Variants in ANXA4 observed in about 807,000 individuals in gnomAD.
The protein encoded by ANXA4 is 35-beta calcimedin.
Under a neutral mutation model 49.8 loss-of-function variants are expected in ANXA4, and 39 were observed. The observed-to-expected ratio is 0.78, with a 90% CI of 0.61 to 1.02. The LOEUF (loss-of-function observed/expected upper bound fraction) is 1.02, where lower values mean the gene tolerates loss of function less well. ANXA4 is among the 50% of genes least tolerant of loss of function. ANXA4 has a pLI of 0.00. For synonymous variants in ANXA4, 134 were observed against 152.5 expected (o/e 0.88, Z 0.89); for missense variants, 360 against 410.1 (o/e 0.88, Z 1.05).
At chr2:69,783,325 C>T (rs1672279459) in intron 2 of ANXA4, among the ~76,000 whole-genome samples, 1 of 152,112 alleles carries the variant, frequency 6.6e-6, no homozygotes, top group South Asian at 2.1e-4. Context: ...AAGCGGTTCC[C>T]CTGCCTCAGC....
chr2:69,663,605 T>A (rs1376937656), intron 2 of ANXA4, among the ~76,000 whole-genome samples: 2 of 152,022 alleles, frequency 1.3e-5, no homozygotes, highest in African/African-American at 2.4e-5. Flanking sequence ...TGTAGTGTGC[T>A]ATTATCATGC....
chr2:69,751,308 G>A (rs756444781), intron 1 of ANXA4, among the ~76,000 whole-genome samples: 13 of 152,186 alleles, frequency 8.5e-5, no homozygotes, highest in Non-Finnish European at 1.6e-4. Flanking sequence ...GAGCTCAGGG[G>A]TTCGAGACCA....
chr2:69,806,447 G>A lies in ANXA4; in HGVS notation c.255G>A (p.Met85Ile). The A allele has an allele frequency of 6.2e-7, 1 of 1,614,160 alleles. No individual in the cohort carries two copies. Among genetic ancestry groups the A allele is most frequent in the Non-Finnish European group, 8.5e-7 (1 of 1,180,002 alleles). Residue 85 changes from methionine to isoleucine, a missense_variant, in exon 5 of 13, where the codon ATG becomes ATA. Coordinates refer to ENST00000394295, the MANE Select transcript of ANXA4 (RefSeq NM_001153.5). The part of the protein sequence containing the change: ...SGNFEQVIVG[M>I]MTPTVLYDVQ... ...ACTTCGAGCAGGTGATTGTGGGGAT[G>A]ATGACGCCCACGGTGCTGTATGACG...
At chr2:69,778,542 G>A (rs953089357) in intron 1 of ANXA4, among the ~76,000 whole-genome samples, 4 of 152,176 alleles carry the variant, frequency 2.6e-5, no homozygotes, top group Non-Finnish European at 5.9e-5. Context: ...TTGGGAGGCC[G>A]AGGCGGGCAG....
intron 1 of ANXA4, among the ~76,000 whole-genome samples, chr2:69,776,337 G>A (rs573894757): frequency 6.6e-6 from 1 of 152,198 alleles, no homozygotes; most frequent in South Asian, 2.1e-4. Context: ...TGGCCACCCA[G>A]GAATCAAAGT....
At chr2:69,810,561 A>C in intron 6 of ANXA4, 33 bp from the exon 7 acceptor site, 1 of 1,588,648 alleles carries the variant, frequency 6.3e-7, no homozygotes, top group Non-Finnish European at 8.6e-7. Context: ...AAGACTCTTA[A>C]TTCTGAAGTA....
intron 3 of ANXA4, among the ~76,000 whole-genome samples, chr2:69,792,746 C>A (rs569389764): frequency 3.3e-5 from 5 of 152,228 alleles, no homozygotes; most frequent in Admixed American, 3.3e-4. Context: ...CCATGTAATT[C>A]CATGTTCAGT....
In ANXA4 at chr2:69,733,167, G is replaced by A. The variant is rs72903018; in HGVS notation, n.864+12296G>A. 6.8e-3 allele frequency among the ~76,000 whole-genome samples: 1,030 copies of A among 152,272 alleles called. 13 individuals are homozygous for A. Among genetic ancestry groups the A allele is most frequent in the African/African-American group, 0.023 (959 of 41,552 alleles). On this transcript the variant is annotated intron_variant and non_coding_transcript_variant, in intron 3 of 3. Transcript: ENST00000418066. ...ATCTTTAGGGATATTGAGGCAAAAT[G>A]TTTATTTACTTAATGAAAATTAACA...
chr2:69,741,447 T>G (rs1230343482), upstream of ANXA4, among the ~76,000 whole-genome samples: 1 of 152,200 alleles, frequency 6.6e-6, no homozygotes, highest in Non-Finnish European at 1.5e-5. Flanking sequence ...TAAACTTTAG[T>G]CACTCACAGG....
intron 3 of ANXA4, among the ~76,000 whole-genome samples, chr2:69,804,155 AAAAAT>A (rs1183911559): frequency 4.7e-4 from 71 of 151,386 alleles, no homozygotes; most frequent in African/African-American, 1.5e-3. Context: ...AAAAAAAAAA[AAAAAT>A]ATTCTAGAGG....
chr2:69,711,549 T>G (rs2105407806), intron 2 of ANXA4, among the ~76,000 whole-genome samples: 1 of 152,288 alleles, frequency 6.6e-6, no homozygotes, highest in East Asian at 1.9e-4. Context: ...TAAGAACTTT[T>G]TGGAATGAAG....
intron 3 of ANXA4, 72 bp from the exon 4 acceptor site, chr2:69,804,461 G>A (rs1673348290): frequency 2.2e-6 from 3 of 1,378,664 alleles, no homozygotes; most frequent in Non-Finnish European, 3.1e-6. Flanking sequence ...TAACTCCAAT[G>A]TCCACAGAGG....
intron 1 of ANXA4, among the ~76,000 whole-genome samples, chr2:69,750,315 C>T (rs1009755814): frequency 2.6e-5 from 4 of 152,178 alleles, no homozygotes; most frequent in Admixed American, 1.3e-4. Context: ...AAGCAGCCAC[C>T]GCTCATTCTT....
chr2:69,712,365 T>C (rs1324481755), intron 2 of ANXA4, among the ~76,000 whole-genome samples: 2 of 152,234 alleles, frequency 1.3e-5, no homozygotes, highest in African/African-American at 2.4e-5. Flanking sequence ...GGAGAAGCAG[T>C]AGAAAATTAC....
intron 4 of ANXA4, among the ~76,000 whole-genome samples, chr2:69,804,911 G>A (rs1673375298): frequency 6.6e-6 from 1 of 151,870 alleles, no homozygotes; most frequent in Non-Finnish European, 1.5e-5. Context: ...AGCCGGGCAT[G>A]GTGCTGAGCA....
At chr2:69,814,910 G>A (rs1673915118) in intron 8 of ANXA4, 2 of 152,236 alleles carry the variant, frequency 1.3e-5, no homozygotes, top group African/African-American at 4.8e-5. Context: ...AAAGGCCTGA[G>A]AACTAGGAGC....
chr2:69,758,780 A>C (rs1345770827), intron 1 of ANXA4, among the ~76,000 whole-genome samples: 4 of 152,318 alleles, frequency 2.6e-5, no homozygotes, highest in African/African-American at 9.6e-5. Flanking sequence ...AGAAATGTTC[A>C]TAATTATCAG....
chr2:69,760,065 C>G (rs1360809803), intron 1 of ANXA4, among the ~76,000 whole-genome samples: 1 of 152,154 alleles, frequency 6.6e-6, no homozygotes, highest in Non-Finnish European at 1.5e-5. Context: ...ATCTCCTGAC[C>G]TCGTGATCCA....
At chr2:69,676,268 A>T (rs765554257) in intron 2 of ANXA4, among the ~76,000 whole-genome samples, 26 of 152,136 alleles carry the variant, frequency 1.7e-4, no homozygotes, top group Admixed American at 2.6e-4. Flanking sequence ...GTAAATAAAA[A>T]TTAAACTAAA....
Sources: allele counts gnomAD v4.1 joint callset (sites outside exome capture counted in the v4.1 genomes callset), GRCh38; gene constraint gnomAD v4.1.1; transcripts MANE v1.5; gene names NCBI Gene and HGNC (gene_info 2026-07-23, HGNC 2026-07-21).